ANO1: variants seen among roughly 807,000 people sequenced by gnomAD.
The protein encoded by ANO1 is anoctamin 1.
Under a neutral mutation model 124.0 loss-of-function variants are expected in ANO1, and 59 were observed. The observed-to-expected ratio is 0.48, with a 90% CI of 0.39 to 0.59. ANO1 has a LOEUF of 0.59. Among genes scored for constraint, ANO1 ranks in the 20% least tolerant of loss-of-function variants. The pLI, the probability that ANO1 is intolerant of heterozygous loss-of-function variation, is 0.00. For synonymous variants in ANO1, 529 were observed against 532.0 expected (o/e 0.99, Z 0.08); for missense variants, 1,059 against 1,328.0 (o/e 0.80, Z 3.15).
Position 70,165,337 on chromosome 11 carries a change from G to A in ANO1, c.1951-133G>A, listed in dbSNP as rs367801351. ...AAATAAGGCCACGTTCCCAGGTGGC[G>A]GGGATTAGAACCTGAGCGTCTTTTT... On this transcript the variant is annotated intron_variant, in intron 19 of 25. Coordinates refer to ENST00000355303, the MANE Select transcript of ANO1 (RefSeq NM_018043.7). 173 of 711,752 alleles carry A rather than the reference G, an allele frequency of 2.4e-4. No homozygotes were observed. The African/African-American group carries it at 2.6e-3, about 11-fold the overall frequency. 44.1% of individuals were successfully genotyped at this position (711,752 alleles called of 1,614,324 possible).
chr11:69,986,611 T>C (rs1492513), intron 1 of ANO1, among the ~76,000 whole-genome samples: 123,598 of 152,070 alleles, frequency 0.81, 50,859 homozygotes, highest in East Asian at 0.99. Context: ...GATTTATTTG[T>C]GATATAAAGT....
At chr11:69,994,383 G>A (rs1856221099) in intron 1 of ANO1, among the ~76,000 whole-genome samples, 1 of 147,660 alleles carries the variant, frequency 6.8e-6, no homozygotes, top group Non-Finnish European at 1.5e-5. Context: ...TGGATGAATG[G>A]ATGGATGGGT....
chr11:70,132,969 G>A (rs1416974556), intron 11 of ANO1, among the ~76,000 whole-genome samples: 1 of 152,180 alleles, frequency 6.6e-6, no homozygotes, highest in Admixed American at 6.5e-5. Flanking sequence ...TCTGGAAGAG[G>A]TGTGAGGCCC....
At chr11:70,004,509 G>A (rs1159144310) in intron 1 of ANO1, among the ~76,000 whole-genome samples, 2 of 152,194 alleles carry the variant, frequency 1.3e-5, no homozygotes, top group African/African-American at 4.8e-5. Context: ...TGGAGCCAGT[G>A]CTCAAATCCA....
Position 70,156,972 on chromosome 11 carries a change from G to A in ANO1, c.1529G>A (p.Arg510Lys). 1.2e-6 allele frequency: 2 copies of A among 1,613,774 alleles called. No individual in the cohort carries two copies. The highest frequency in any genetic ancestry group is 1.1e-5 in the South Asian group (1 of 90,992). Reference sequence around the variant, plus strand: ...ACTGACAAAGTGAAGCTGACATGGAGAGATCGGTTCCCAGCCTACCTCACT... The same window carrying A: ...ACTGACAAAGTGAAGCTGACATGGAAAGATCGGTTCCCAGCCTACCTCACT... ...KLTDKVKLTW[R>K]DRFPAYLTNL... The change falls in exon 16 of 26, where the codon AGA (arginine) becomes AAA (lysine). Residue 510 changes from arginine to lysine, a missense_variant. Around this residue, in one of 2 missense-constraint regions of ANO1, gnomAD observed 809 missense variants for 1,094.9 expected, o/e 0.74. Transcript: ENST00000355303.
At chr11:70,137,272 G>A (rs2046986276) in intron 11 of ANO1, among the ~76,000 whole-genome samples, 1 of 146,434 alleles carries the variant, frequency 6.8e-6, no homozygotes, top group Non-Finnish European at 1.5e-5. Flanking sequence ...GGAGGAAAGT[G>A]AGGCTCCATT....
rs1156876550 is a variant in ANO1, at chr11:70,149,714, C to T, written c.1263C>T (p.Ala421=). Residue 421 remains alanine (A), a synonymous_variant, in exon 12 of 26, where the codon GCC becomes GCT. Coordinates refer to ENST00000355303, the MANE Select transcript of ANO1 (RefSeq NM_018043.7). ...FFSVFMALWA[A]TFMEHWKRKQ... ...TGGTTTTGCCCCTGCCCGCAGCTGC[C>T]ACCTTCATGGAGCACTGGAAGCGGA... The T allele has an allele frequency of 1.9e-6, 3 of 1,613,396 alleles. No homozygotes were observed. The highest frequency in any genetic ancestry group is 2.7e-5 in the African/African-American group (2 of 74,830).
chr11:70,121,688 C>T lies in ANO1; in HGVS notation c.898-2662C>T, dbSNP rs528879283. On this transcript the variant is annotated intron_variant, in intron 8 of 25. Coordinates refer to ENST00000355303, the MANE Select transcript of ANO1 (RefSeq NM_018043.7). ...CCTCTGTCTCTCTCTCCGTCTCCCC[C>T]ACCTCTCTCTGTCTGTCTCTCTATC... 3.6e-3 allele frequency among the ~76,000 whole-genome samples: 528 copies of T among 147,026 alleles called. 30 individuals carry two copies. Among genetic ancestry groups the T allele is most frequent in the African/African-American group, 0.013 (508 of 38,820 alleles).
chr11:70,010,015 A>G (rs1200050470), intron 1 of ANO1, among the ~76,000 whole-genome samples: 1 of 151,788 alleles, frequency 6.6e-6, no homozygotes, highest in Non-Finnish European at 1.5e-5. Flanking sequence ...AGGTGAGAAC[A>G]TACAATGTTT....
At chr11:69,985,652 C>T (rs1398527103), upstream of ANO1, among the ~76,000 whole-genome samples, 7 of 152,310 alleles carry the variant, frequency 4.6e-5, no homozygotes, top group African/African-American at 1.4e-4. Context: ...CAGGGCCGCT[C>T]GGGGCCCCAC....
At chr11:70,060,021 G>GGTT (rs1857538453) in intron 1 of ANO1, among the ~76,000 whole-genome samples, 1 of 133,838 alleles carries the variant, frequency 7.5e-6, no homozygotes, top group South Asian at 2.7e-4. Context: ...AAGATCAGTA[G>GGTT]GTTTCTGGTG....
upstream of ANO1, among the ~76,000 whole-genome samples, chr11:70,075,651 A>ATT (rs2044048307): frequency 6.6e-6 from 1 of 152,178 alleles, no homozygotes; most frequent in Non-Finnish European, 1.5e-5. Context: ...CAGGGAATTA[A>ATT]TCCTGCCCAC....
chr11:70,078,063 C>T (rs373128851), upstream of ANO1, among the ~76,000 whole-genome samples: 14 of 152,124 alleles, frequency 9.2e-5, no homozygotes, highest in African/African-American at 3.4e-4. Flanking sequence ...GCCACAGAAG[C>T]GCCTGCCACT....
intron 1 of ANO1, among the ~76,000 whole-genome samples, chr11:69,997,628 A>C (rs1380345942): frequency 6.6e-6 from 1 of 152,200 alleles, no homozygotes; most frequent in Non-Finnish European, 1.5e-5. Context: ...TCACGTTGAA[A>C]TGTAATCCCC....
intron 24 of ANO1, 138 bp downstream of exon 24, chr11:70,182,824 A>T (rs1169879518): frequency 2.2e-6 from 2 of 905,906 alleles, no homozygotes; most frequent in Admixed American, 3.6e-5. Context: ...AGGAAAAAAA[A>T]AAAGGCTGGT....
intron 15 of ANO1, among the ~76,000 whole-genome samples, 160 bp from the exon 16 acceptor site, chr11:70,156,787 T>A (rs1348323090): frequency 6.6e-6 from 1 of 152,250 alleles, no homozygotes; most frequent in Non-Finnish European, 1.5e-5. Context: ...GCGTTTGCAC[T>A]GGCTCATCAC....
chr11:70,080,641 T>G (rs541346986), intron 1 of ANO1, among the ~76,000 whole-genome samples: 100 of 152,336 alleles, frequency 6.6e-4, no homozygotes, highest in African/African-American at 1.7e-3. Context: ...AGAAACTATC[T>G]GCCTCCTGCA....
In ANO1 at chr11:70,136,375, T is replaced by A. The variant is rs183521885; in HGVS notation, c.1258+4296T>A. Among the ~76,000 whole-genome samples the A allele has an allele frequency of 3.3e-5, 5 of 152,286 alleles. No individual in the cohort carries two copies. The East Asian group carries it at 7.7e-4, about 23-fold the overall frequency. On this transcript the variant is annotated intron_variant, in intron 11 of 25. Coordinates refer to ENST00000355303, the MANE Select transcript of ANO1 (RefSeq NM_018043.7). ...GAGGGATGCCTGGGTACAGCATGGA[T>A]GTTGGCATCTCGTCTTAGGTGCCCA...
chr11:70,058,417 T>C (rs781867084), intron 1 of ANO1, among the ~76,000 whole-genome samples: 13 of 152,054 alleles, frequency 8.5e-5, no homozygotes, highest in Non-Finnish European at 1.9e-4. Flanking sequence ...GCCTTGGCGG[T>C]TTTGGAGGAC....
Sources: gnomAD v4.1 joint callset for allele counts (sites outside exome capture counted in the v4.1 genomes callset) on GRCh38, gnomAD v4.1.1 for gene constraint, gnomAD v4.1.1 regional missense constraint, MANE v1.5 for transcripts, NCBI Gene and HGNC (gene_info 2026-07-23, HGNC 2026-07-21) for gene names.